DGKB: variants seen among roughly 807,000 people sequenced by gnomAD.
The protein encoded by DGKB is diacylglycerol kinase beta.
A neutral mutation model predicts 114.3 loss-of-function variants in DGKB; 67 were observed. The ratio of observed to expected loss-of-function variants is 0.59; its 90% CI spans 0.48 to 0.72. The LOEUF (loss-of-function observed/expected upper bound fraction) is 0.72. DGKB is among the 30% of genes least tolerant of loss of function. DGKB has a pLI of 0.00. For synonymous variants in DGKB, 398 were observed against 323.1 expected (o/e 1.23, Z -2.49); for missense variants, 907 against 975.2 (o/e 0.93, Z 0.93).
At chr7:14,485,575 G>C (rs1476504263) in intron 20 of DGKB, among the ~76,000 whole-genome samples, 1 of 152,026 alleles carries the variant, frequency 6.6e-6, no homozygotes, top group Admixed American at 6.6e-5. Context: ...TTTGCTGAAT[G>C]GTACATGAAA....
At chr7:14,606,330 C>A (rs1190452976) in intron 17 of DGKB, among the ~76,000 whole-genome samples, 3 of 151,980 alleles carry the variant, frequency 2.0e-5, no homozygotes, top group Non-Finnish European at 4.4e-5. Flanking sequence ...TGTGATGAGC[C>A]TGTCTTCCAC....
intron 25 of DGKB, among the ~76,000 whole-genome samples, chr7:14,164,015 A>C (rs1332351821): frequency 6.6e-6 from 1 of 151,626 alleles, no homozygotes; most frequent in African/African-American, 2.4e-5. Context: ...AAACAAACAA[A>C]AAAAAAAACA....
intron 2 of DGKB, among the ~76,000 whole-genome samples, chr7:14,777,327 T>C (rs542426720): frequency 1.3e-5 from 2 of 152,236 alleles, no homozygotes; most frequent in African/African-American, 4.8e-5. Flanking sequence ...ATGGTTGTGT[T>C]TTGAAATGTG....
intron 20 of DGKB, among the ~76,000 whole-genome samples, chr7:14,563,086 T>C (rs1292575964): frequency 6.6e-6 from 1 of 152,038 alleles, no homozygotes; most frequent in African/African-American, 2.4e-5. Context: ...GAGCTGATGG[T>C]TTTATGAAGG....
chr7:14,165,612 A>G (rs1784509024), intron 25 of DGKB, among the ~76,000 whole-genome samples: 2 of 152,232 alleles, frequency 1.3e-5, no homozygotes, highest in Admixed American at 6.5e-5. Context: ...ATATAAGCAC[A>G]TAGACTATGG....
At chr7:14,842,854 C>A (rs1320573916) in intron 1 of DGKB, among the ~76,000 whole-genome samples, 1 of 152,188 alleles carries the variant, frequency 6.6e-6, no homozygotes, top group East Asian at 1.9e-4. Context: ...GATACTCATT[C>A]CTGTCTAAAC....
At position 14,212,356 on chromosome 7, in the gene DGKB, GTTTTGTGATTTTA is replaced by G. The variant is rs1562633571; in HGVS notation, c.2123-34218_2123-34206del. Among the ~76,000 whole-genome samples, 18 of 43,246 alleles carry G rather than the reference GTTTTGTGATTTTA, an allele frequency of 4.2e-4. 7 individuals carry two copies. The highest frequency in any genetic ancestry group is 2.5e-3 in the African/African-American group (18 of 7,168). 28.4% of individuals were successfully genotyped at this position (43,246 alleles called of 152,430 possible). ...CATGTTTTGTGATATTTACTCTCAT[GTTTTGTGATTTTA>G]CTCTCGTGTTTTGTGATATTTACTC... On this transcript the variant is annotated intron_variant, in intron 23 of 25. Coordinates refer to ENST00000402815, the MANE Select transcript of DGKB (RefSeq NM_001350709.2).
At chr7:14,871,967 ACGG>A (rs1327813457) in intron 1 of DGKB, among the ~76,000 whole-genome samples, 2 of 152,134 alleles carry the variant, frequency 1.3e-5, no homozygotes, top group African/African-American at 4.8e-5. Context: ...TATGATTTAT[ACGG>A]CACTTTGCCC....
At chr7:14,892,714 T>C (rs1781439270) in intron 1 of DGKB, among the ~76,000 whole-genome samples, 1 of 151,170 alleles carries the variant, frequency 6.6e-6, no homozygotes, top group Admixed American at 6.6e-5. Flanking sequence ...GTTCAAACTC[T>C]ACAGAGAAAA....
At chr7:14,501,313 G>T (rs964334977) in intron 20 of DGKB, among the ~76,000 whole-genome samples, 1 of 151,894 alleles carries the variant, frequency 6.6e-6, no homozygotes, top group Non-Finnish European at 1.5e-5. Flanking sequence ...GTGTCCCAAA[G>T]TAGCATCTCA....
intron 20 of DGKB, among the ~76,000 whole-genome samples, chr7:14,563,122 G>T (rs1221630333): frequency 6.6e-6 from 1 of 152,104 alleles, no homozygotes; most frequent in East Asian, 1.9e-4. Context: ...ACGCTCTCTT[G>T]CCTGCCACCA....
chr7:14,884,318 C>G (rs1039971329), intron 1 of DGKB, among the ~76,000 whole-genome samples: 3 of 151,924 alleles, frequency 2.0e-5, no homozygotes, highest in African/African-American at 7.2e-5. Flanking sequence ...ATTTAACTAT[C>G]CATTTTCCCT....
intron 2 of DGKB, among the ~76,000 whole-genome samples, chr7:14,837,049 T>C (rs889584883): frequency 1.3e-5 from 2 of 152,108 alleles, no homozygotes; most frequent in African/African-American, 4.8e-5. Context: ...TTACTTCATA[T>C]ATACTAATTC....
At chr7:14,349,988 T>A (rs1487337504) in intron 21 of DGKB, among the ~76,000 whole-genome samples, 1 of 152,144 alleles carries the variant, frequency 6.6e-6, no homozygotes, top group Non-Finnish European at 1.5e-5. Flanking sequence ...TCTGTAAACC[T>A]CACAAAAGTT....
chr7:14,359,041 A>C lies in DGKB; in HGVS notation c.1836-13650T>G, dbSNP rs553677054. 3.9e-5 allele frequency among the ~76,000 whole-genome samples: 6 copies of C among 152,248 alleles called. No individual in the cohort carries two copies. In the South Asian group the frequency reaches 1.0e-3, roughly 26 times the overall value. ...AAAGCTGGAAGCATCAGGCTACCTG[A>C]CTTCAAACTATACTACAAGGCCACA... On this transcript the variant is annotated intron_variant, in intron 21 of 25. Transcript: ENST00000402815.
intron 8 of DGKB, among the ~76,000 whole-genome samples, chr7:14,697,496 C>T (rs1824164249): frequency 6.6e-6 from 1 of 152,024 alleles, no homozygotes; most frequent in African/African-American, 2.4e-5. Context: ...AAAATAACTT[C>T]CACGAGGAAG....
intron 23 of DGKB, among the ~76,000 whole-genome samples, chr7:14,327,880 G>C (rs560164150): frequency 6.6e-6 from 1 of 152,236 alleles, no homozygotes; most frequent in South Asian, 2.1e-4. Flanking sequence ...ACTTACTAGA[G>C]AAATGTATAA....
At chr7:14,425,976 C>T (rs185455336) in intron 21 of DGKB, among the ~76,000 whole-genome samples, 25 of 152,122 alleles carry the variant, frequency 1.6e-4, no homozygotes, top group Admixed American at 1.5e-3. Flanking sequence ...AAAGAAAATG[C>T]CACAAGTATT....
intron 6 of DGKB, among the ~76,000 whole-genome samples, chr7:14,705,991 A>G (rs1283056610): frequency 6.6e-6 from 1 of 151,910 alleles, no homozygotes; most frequent in Non-Finnish European, 1.5e-5. Context: ...TAAACGGACT[A>G]AATGCTCCAA....
Sources: gnomAD v4.1 joint callset for allele counts (sites outside exome capture counted in the v4.1 genomes callset) on GRCh38, gnomAD v4.1.1 for gene constraint, MANE v1.5 for transcripts, NCBI Gene and HGNC (gene_info 2026-07-23, HGNC 2026-07-21) for gene names.